The following BTBD9 variants were observed in gnomAD, a reference collection of about 807,000 sequenced individuals.
BTBD9 encodes the protein BTB/POZ domain-containing protein 9.
BTBD9 carries 49 observed loss-of-function variants against 64.3 expected under a neutral mutation model. That is an observed-to-expected ratio of 0.76 (90% CI 0.61 to 0.97). The LOEUF (loss-of-function observed/expected upper bound fraction) is 0.97. Among genes scored for constraint, BTBD9 ranks in the 50% least tolerant of loss-of-function variants. The pLI, the probability that BTBD9 is intolerant of heterozygous loss-of-function variation, is 0.00. For missense variants in BTBD9, 598 were observed against 762.1 expected, an observed-to-expected ratio of 0.78 and a Z score of 2.53; for synonymous variants, 260 against 274.7, an observed-to-expected ratio of 0.95 and a Z score of 0.53.
chr6:38,262,022 A>G (rs867548613), intron 8 of BTBD9, among the ~76,000 whole-genome samples: 32 of 152,370 alleles, frequency 2.1e-4, no homozygotes, highest in South Asian at 1.5e-3. Flanking sequence ...ATACTAAAGG[A>G]AAAACTGATT....
At chr6:38,549,536 T>A (rs909643450) in intron 6 of BTBD9, among the ~76,000 whole-genome samples, 2 of 151,790 alleles carry the variant, frequency 1.3e-5, no homozygotes, top group Admixed American at 6.6e-5. Flanking sequence ...ACTTAGGAAC[T>A]GTCAAACGAA....
chr6:38,351,353 T>G (rs1050213863), intron 6 of BTBD9, among the ~76,000 whole-genome samples: 6 of 152,168 alleles, frequency 3.9e-5, no homozygotes, highest in Non-Finnish European at 8.8e-5. Flanking sequence ...ACCTCCACTA[T>G]TCAACCTGAA....
At chr6:38,505,392 AG>A (rs1462661005) in intron 6 of BTBD9, among the ~76,000 whole-genome samples, 4 of 152,174 alleles carry the variant, frequency 2.6e-5, no homozygotes, top group African/African-American at 9.7e-5. Context: ...TGGGAGGCCA[AG>A]GCAGGCAAAT....
At chr6:38,397,267 T>A (rs1440697367) in intron 6 of BTBD9, among the ~76,000 whole-genome samples, 3 of 152,194 alleles carry the variant, frequency 2.0e-5, no homozygotes, top group Admixed American at 1.3e-4. Context: ...ATATTTCTAT[T>A]GGACAGCACT....
intron 6 of BTBD9, among the ~76,000 whole-genome samples, chr6:38,574,690 T>C (rs1775946103): frequency 6.6e-6 from 1 of 152,200 alleles, no homozygotes; most frequent in Non-Finnish European, 1.5e-5. Context: ...TGAAGAGGTG[T>C]TGGTATTCCT....
At chr6:38,563,939 G>A (rs1033017858) in intron 6 of BTBD9, among the ~76,000 whole-genome samples, 4 of 151,642 alleles carry the variant, frequency 2.6e-5, no homozygotes, top group African/African-American at 2.4e-5. Flanking sequence ...CCGCCACCAC[G>A]CCTGGCTAAC....
At chr6:38,315,218 T>G (rs924661883) in intron 7 of BTBD9, among the ~76,000 whole-genome samples, 1 of 152,210 alleles carries the variant, frequency 6.6e-6, no homozygotes, top group Non-Finnish European at 1.5e-5. Flanking sequence ...ATTTTATTTT[T>G]CAAAAAGGAA....
intron 6 of BTBD9, among the ~76,000 whole-genome samples, chr6:38,576,987 A>G (rs975110132): frequency 3.9e-5 from 6 of 152,206 alleles, no homozygotes; most frequent in African/African-American, 9.6e-5. Context: ...GCTGCGATAC[A>G]TAACAAAAAT....
At chr6:38,303,947 GTGTGTA>G (rs1231588730) in intron 7 of BTBD9, among the ~76,000 whole-genome samples, 9 of 137,328 alleles carry the variant, frequency 6.6e-5, no homozygotes, top group African/African-American at 2.0e-4. Context: ...GTGTGTGTGT[GTGTGTA>G]TATATATATA....
At chr6:38,622,980 A>G (rs1440711716) in intron 1 of BTBD9, among the ~76,000 whole-genome samples, 1 of 152,130 alleles carries the variant, frequency 6.6e-6, no homozygotes, top group Non-Finnish European at 1.5e-5. Flanking sequence ...GTAGATACAA[A>G]ACAGTTTTTT....
chr6:38,609,240 C>T (rs920452699), intron 1 of BTBD9, among the ~76,000 whole-genome samples: 19 of 152,158 alleles, frequency 1.2e-4, no homozygotes, highest in African/African-American at 4.6e-4. Flanking sequence ...CATGGTAGCG[C>T]ACACCTGTGG....
At chr6:38,529,141 A>G (rs529647130) in intron 6 of BTBD9, among the ~76,000 whole-genome samples, 1 of 152,304 alleles carries the variant, frequency 6.6e-6, no homozygotes, top group South Asian at 2.1e-4. Flanking sequence ...CATCAGCCAT[A>G]GCCAGGCAGT....
chr6:38,551,551 T>C (rs1248571590), intron 6 of BTBD9, among the ~76,000 whole-genome samples: 1 of 152,228 alleles, frequency 6.6e-6, no homozygotes, highest in Admixed American at 6.5e-5. Context: ...GAAGCCACTA[T>C]TGTTATTTCC....
At chr6:38,446,728 C>T (rs1442854270) in intron 6 of BTBD9, among the ~76,000 whole-genome samples, 3 of 152,204 alleles carry the variant, frequency 2.0e-5, no homozygotes, top group African/African-American at 7.2e-5. Context: ...CCATATTTTA[C>T]AGACAGGGAA....
At chr6:38,323,445 T>C (rs931072704) in intron 7 of BTBD9, among the ~76,000 whole-genome samples, 1 of 152,060 alleles carries the variant, frequency 6.6e-6, no homozygotes, top group South Asian at 2.1e-4. Context: ...TGTGTCTCCA[T>C]GGGGAAGGAA....
chr6:38,433,254 C>G (rs77154393), intron 6 of BTBD9, among the ~76,000 whole-genome samples: 1 of 152,038 alleles, frequency 6.6e-6, no homozygotes, highest in African/African-American at 2.4e-5. Flanking sequence ...AGTTAAGATT[C>G]AGCTCAAACT....
intron 6 of BTBD9, among the ~76,000 whole-genome samples, chr6:38,473,076 A>T (rs753050897): frequency 2.0e-5 from 3 of 152,228 alleles, no homozygotes; most frequent in Admixed American, 1.3e-4. Context: ...GGAAGGAAGA[A>T]AAGGTCCAAC....
At chr6:38,392,838 T>A (rs1766486882) in intron 6 of BTBD9, among the ~76,000 whole-genome samples, 1 of 150,690 alleles carries the variant, frequency 6.6e-6, no homozygotes, top group South Asian at 2.1e-4. Flanking sequence ...CAATGATTTT[T>A]AAAATTTTAT....
intron 7 of BTBD9, among the ~76,000 whole-genome samples, chr6:38,332,752 C>T (rs1236338354): frequency 6.6e-6 from 1 of 152,082 alleles, no homozygotes; most frequent in Admixed American, 6.6e-5. Flanking sequence ...TAAATTTATA[C>T]ATTAAAATGG....
Sources: allele counts gnomAD v4.1 joint callset (sites outside exome capture counted in the v4.1 genomes callset), GRCh38; gene constraint gnomAD v4.1.1; transcripts MANE v1.5; gene names NCBI Gene and HGNC (gene_info 2026-07-23, HGNC 2026-07-21).